The following EXOC4 variants were observed in gnomAD, a reference collection of about 807,000 sequenced individuals.
The protein encoded by EXOC4 is exocyst complex component 4.
In EXOC4, 71 loss-of-function variants were observed where a neutral mutation model predicts 107.2. That is an observed-to-expected ratio of 0.66 (90% CI 0.55 to 0.81). The LOEUF (loss-of-function observed/expected upper bound fraction) is 0.81, where lower values mean the gene tolerates loss of function less well. Among genes scored for constraint, EXOC4 ranks in the 30% least tolerant of loss-of-function variants. EXOC4 has a pLI of 0.00. For synonymous variants in EXOC4, 456 were observed against 441.2 expected (o/e 1.03, Z -0.42); for missense variants, 1,108 against 1,189.6 (o/e 0.93, Z 1.01).
At chr7:133,438,561 C>A (rs997338020) in intron 7 of EXOC4, among the ~76,000 whole-genome samples, 3 of 152,100 alleles carry the variant, frequency 2.0e-5, no homozygotes, top group Non-Finnish European at 4.4e-5. Context: ...TGTTAAAAGT[C>A]CAGATTTCTG....
chr7:133,715,948 T>A (rs1794989856), intron 10 of EXOC4, among the ~76,000 whole-genome samples: 1 of 152,196 alleles, frequency 6.6e-6, no homozygotes, highest in Non-Finnish European at 1.5e-5. Context: ...ATATTATTCC[T>A]GTTCAAATGG....
At chr7:133,804,194 G>GTCTTGT (rs1797016785) in intron 10 of EXOC4, among the ~76,000 whole-genome samples, 5 of 152,180 alleles carry the variant, frequency 3.3e-5, no homozygotes, top group African/African-American at 1.2e-4. Flanking sequence ...TTCAGGCAAA[G>GTCTTGT]TGTAGATGTG....
At chr7:133,725,012 A>G (rs1265423315) in intron 10 of EXOC4, among the ~76,000 whole-genome samples, 1 of 152,226 alleles carries the variant, frequency 6.6e-6, no homozygotes, top group East Asian at 1.9e-4. Context: ...GTACAGGAAA[A>G]TGATGTGACT....
intron 8 of EXOC4, among the ~76,000 whole-genome samples, chr7:133,475,917 GT>G (rs138735479): frequency 9.2e-5 from 14 of 151,406 alleles, no homozygotes; most frequent in Non-Finnish European, 1.3e-4. Context: ...AACAATCTGG[GT>G]TTTTTTTTAT....
intron 2 of EXOC4, among the ~76,000 whole-genome samples, chr7:133,277,627 CTT>C (rs1794026491): frequency 1.3e-5 from 2 of 152,130 alleles, no homozygotes; most frequent in Non-Finnish European, 1.5e-5. Context: ...ACAATGAAAA[CTT>C]TATTATATCT....
chr7:133,992,219 T>C lies in EXOC4; in HGVS notation c.2207-5273T>C, dbSNP rs186491358. ...TTTTTCTTATTGTAAATTGGATTTT[T>C]TTTCTTGATTTCTTTGGTGGATTGA... On this transcript the variant is annotated intron_variant, in intron 14 of 17. Coordinates refer to ENST00000253861, the MANE Select transcript of EXOC4 (RefSeq NM_021807.4). Among the ~76,000 whole-genome samples the C allele has an allele frequency of 4.4e-3, 664 of 152,318 alleles. 6 individuals carry two copies. The highest frequency in any genetic ancestry group is 0.015 in the African/African-American group (631 of 41,572).
intron 10 of EXOC4, among the ~76,000 whole-genome samples, chr7:133,682,392 A>T (rs748175633): frequency 1.3e-5 from 2 of 152,158 alleles, no homozygotes; most frequent in African/African-American, 2.4e-5. Flanking sequence ...GTCTCACGAG[A>T]TCTGATGGGT....
At chr7:133,808,405 G>T (rs1180164282) in intron 10 of EXOC4, among the ~76,000 whole-genome samples, 1 of 152,050 alleles carries the variant, frequency 6.6e-6, no homozygotes, top group African/African-American at 2.4e-5. Context: ...TGAGTCCCTT[G>T]TAAATCATTT....
At chr7:133,691,545 T>C (rs1794421014) in intron 10 of EXOC4, among the ~76,000 whole-genome samples, 1 of 152,176 alleles carries the variant, frequency 6.6e-6, no homozygotes, top group African/African-American at 2.4e-5. Context: ...AGAAACACAT[T>C]AGGTATGCTG....
chr7:133,596,893 G>C (rs1801687425), intron 9 of EXOC4, among the ~76,000 whole-genome samples: 1 of 152,092 alleles, frequency 6.6e-6, no homozygotes, highest in Non-Finnish European at 1.5e-5. Context: ...ATCTATTTAT[G>C]GCCAAGGACT....
chr7:133,374,930 A>G lies in EXOC4; in HGVS notation c.1110A>G (p.Pro370=), dbSNP rs1260786925. ...LGYLQDTVVT[P]LTQQEDIKLY... is the part of the protein sequence containing the mutation. ...ACCTGCAGGACACTGTAGTGACTCC[A>G]CTGACTCAGCAGGAAGATATCAAAC... The change falls in exon 7 of 18, where the codon CCA becomes CCG. Residue 370 remains proline, a synonymous_variant. Transcript: ENST00000253861. 8 of 1,614,088 alleles carry G rather than the reference A, an allele frequency of 5.0e-6. No homozygotes were observed. The highest frequency in any genetic ancestry group is 6.8e-6 in the Non-Finnish European group (8 of 1,179,950).
At chr7:133,580,011 A>G (rs576383892) in intron 9 of EXOC4, among the ~76,000 whole-genome samples, 1 of 152,256 alleles carries the variant, frequency 6.6e-6, no homozygotes, top group South Asian at 2.1e-4. Flanking sequence ...ATTACTTTCT[A>G]TGAACTGGAC....
intron 11 of EXOC4, among the ~76,000 whole-genome samples, chr7:133,886,097 A>C (rs1799080558): frequency 6.6e-6 from 1 of 152,150 alleles, no homozygotes; most frequent in East Asian, 1.9e-4. Flanking sequence ...AAGTTCCCAA[A>C]CCATGAAACA....
At chr7:133,878,796 T>C (rs948227407) in intron 11 of EXOC4, among the ~76,000 whole-genome samples, 1 of 152,194 alleles carries the variant, frequency 6.6e-6, no homozygotes, top group Non-Finnish European at 1.5e-5. Flanking sequence ...CGATCTTGGC[T>C]CACTGCAGCC....
chr7:133,499,630 C>T (rs1799540046), intron 9 of EXOC4, among the ~76,000 whole-genome samples: 3 of 152,096 alleles, frequency 2.0e-5, no homozygotes, highest in African/African-American at 7.2e-5. Context: ...CTGCCCAAAT[C>T]TCATGTCAAA....
chr7:133,777,446 C>A (rs1343176778), intron 10 of EXOC4, among the ~76,000 whole-genome samples: 1 of 152,080 alleles, frequency 6.6e-6, no homozygotes, highest in Non-Finnish European at 1.5e-5. Context: ...ACCTTTTGGA[C>A]CACAATGTAT....
At chr7:133,964,345 A>G (rs1049809328) in intron 14 of EXOC4, among the ~76,000 whole-genome samples, 4 of 151,546 alleles carry the variant, frequency 2.6e-5, no homozygotes, top group Non-Finnish European at 5.9e-5. Flanking sequence ...TTCTTTCTAT[A>G]TACTTTAAGT....
At chr7:134,047,959 C>T (rs1795694640) in intron 17 of EXOC4, among the ~76,000 whole-genome samples, 1 of 152,076 alleles carries the variant, frequency 6.6e-6, no homozygotes. Flanking sequence ...ATCAATCTCC[C>T]CAGAAATTCA....
At chr7:133,458,284 C>G (rs1394027766) in intron 7 of EXOC4, among the ~76,000 whole-genome samples, 1 of 152,198 alleles carries the variant, frequency 6.6e-6, no homozygotes, top group Non-Finnish European at 1.5e-5. Context: ...GTCATTTATC[C>G]TATTGCAGGA....
Sources: gnomAD v4.1 joint callset for allele counts (sites outside exome capture counted in the v4.1 genomes callset) on GRCh38, gnomAD v4.1.1 for gene constraint, MANE v1.5 for transcripts, NCBI Gene and HGNC (gene_info 2026-07-23, HGNC 2026-07-21) for gene names.